CNTN5: variants seen among roughly 807,000 people sequenced by gnomAD.
CNTN5 encodes contactin 5.
A neutral mutation model predicts 129.1 loss-of-function variants in CNTN5; 77 were observed. The observed-to-expected ratio is 0.60, with a 90% CI of 0.50 to 0.72. The LOEUF (loss-of-function observed/expected upper bound fraction) is 0.72. CNTN5 is among the 30% of genes least tolerant of loss of function. The probability of loss-of-function intolerance (pLI) is 0.00; values close to 1 mark genes in which losing one functional copy is unlikely to be tolerated. For missense variants in CNTN5, 1,478 were observed against 1,328.8 expected (o/e 1.11, Z -1.75); for synonymous variants, 509 against 465.6 (o/e 1.09, Z -1.20).
intron 13 of CNTN5, among the ~76,000 whole-genome samples, chr11:100,182,280 G>A (rs1948159353): frequency 6.6e-6 from 1 of 152,022 alleles, no homozygotes. Flanking sequence ...TAGTTCTGGA[G>A]GCTGTGAAGT....
chr11:100,060,013 A>G (rs1943396913), intron 9 of CNTN5, among the ~76,000 whole-genome samples: 1 of 152,088 alleles, frequency 6.6e-6, no homozygotes, highest in Non-Finnish European at 1.5e-5. Context: ...GTTCGAAAAC[A>G]GCCTTGCCGA....
intron 1 of CNTN5, among the ~76,000 whole-genome samples, chr11:99,192,236 T>C (rs1452243361): frequency 6.6e-6 from 1 of 151,680 alleles, no homozygotes; most frequent in Non-Finnish European, 1.5e-5. Context: ...TGTAAGAGAC[T>C]ACTGTGAATA....
chr11:99,181,532 C>G (rs554982433), intron 1 of CNTN5, among the ~76,000 whole-genome samples: 2 of 152,152 alleles, frequency 1.3e-5, no homozygotes, highest in South Asian at 2.1e-4. Flanking sequence ...TAGCCAGTAC[C>G]GACTGCAGTT....
intron 1 of CNTN5, among the ~76,000 whole-genome samples, chr11:99,275,703 G>T (rs1051579320): frequency 5.3e-5 from 8 of 151,606 alleles, no homozygotes; most frequent in African/African-American, 1.9e-4. Context: ...GTATTCAACT[G>T]TGACCATATA....
chr11:99,021,428 A>C (rs1435235443), intron 1 of CNTN5, among the ~76,000 whole-genome samples, 158 bp downstream of exon 1: 3 of 152,198 alleles, frequency 2.0e-5, no homozygotes, highest in Non-Finnish European at 4.4e-5. Flanking sequence ...TTTTTTAAAT[A>C]AAGGAAACAA....
chr11:99,159,379 T>G (rs1860490652), intron 1 of CNTN5, among the ~76,000 whole-genome samples: 1 of 152,154 alleles, frequency 6.6e-6, no homozygotes. Flanking sequence ...TCCCAGCACT[T>G]TGGGAGGCTG....
intron 7 of CNTN5, among the ~76,000 whole-genome samples, chr11:99,940,440 A>C (rs1195920283): frequency 6.6e-6 from 1 of 152,162 alleles, no homozygotes; most frequent in Non-Finnish European, 1.5e-5. Context: ...TAGTATTTCA[A>C]AGTTATTAAC....
chr11:99,076,011 G>A (rs1865551380), intron 1 of CNTN5, among the ~76,000 whole-genome samples: 1 of 152,022 alleles, frequency 6.6e-6, no homozygotes, highest in Non-Finnish European at 1.5e-5. Context: ...TTCTTGATTT[G>A]AAGCAACTTA....
intron 6 of CNTN5, among the ~76,000 whole-genome samples, chr11:99,904,640 C>A (rs565222290): frequency 6.6e-6 from 1 of 152,106 alleles, no homozygotes; most frequent in Admixed American, 6.5e-5. Context: ...GATATATAAT[C>A]CTTTTGGTAT....
At chr11:99,682,836 C>A (rs1953617603) in intron 3 of CNTN5, among the ~76,000 whole-genome samples, 1 of 151,910 alleles carries the variant, frequency 6.6e-6, no homozygotes, top group Admixed American at 6.6e-5. Context: ...TTAGATGAGA[C>A]AAACGGTGTT....
At chr11:99,904,234 C>T (rs1399838202) in intron 6 of CNTN5, among the ~76,000 whole-genome samples, 1 of 152,102 alleles carries the variant, frequency 6.6e-6, no homozygotes, top group African/African-American at 2.4e-5. Flanking sequence ...CACCCATCAA[C>T]TCATCATCTA....
chr11:100,137,004 A>AAC (rs1390147668), intron 13 of CNTN5, among the ~76,000 whole-genome samples: 45 of 152,020 alleles, frequency 3.0e-4, no homozygotes, highest in African/African-American at 1.0e-3. Flanking sequence ...TACTTACTTA[A>AAC]ATATGTATGT....
At chr11:100,203,723 T>C (rs945988570) in intron 15 of CNTN5, among the ~76,000 whole-genome samples, 2 of 151,266 alleles carry the variant, frequency 1.3e-5, no homozygotes, top group African/African-American at 4.9e-5. Context: ...ATAATGACTA[T>C]CATTACCATG....
chr11:99,753,109 G>A (rs1944287314), intron 3 of CNTN5, among the ~76,000 whole-genome samples: 2 of 135,330 alleles, frequency 1.5e-5, no homozygotes, highest in African/African-American at 2.7e-5. Flanking sequence ...AACATTTTAA[G>A]CCATATTTGC....
intron 1 of CNTN5, among the ~76,000 whole-genome samples, chr11:99,095,646 T>G (rs1029761194): frequency 1.3e-5 from 2 of 151,790 alleles, no homozygotes; most frequent in South Asian, 4.1e-4. Flanking sequence ...AACTAAGAGA[T>G]GTAGGTGCCT....
intron 1 of CNTN5, among the ~76,000 whole-genome samples, chr11:99,285,595 A>AT: frequency 6.7e-6 from 1 of 149,642 alleles, no homozygotes; most frequent in Middle Eastern, 3.5e-3. Flanking sequence ...AAGTTAAAGA[A>AT]AAAAAAAAAA....
At chr11:99,627,472 C>T (rs1416990049) in intron 3 of CNTN5, among the ~76,000 whole-genome samples, 2 of 151,884 alleles carry the variant, frequency 1.3e-5, no homozygotes, top group African/African-American at 4.8e-5. Context: ...GAAAAAACTA[C>T]ACCGCATTAA....
intron 24 of CNTN5, 116 bp from the exon 25 acceptor site, chr11:100,356,001 C>A: frequency 1.5e-6 from 1 of 675,426 alleles, no homozygotes; most frequent in Non-Finnish European, 2.6e-6. Flanking sequence ...AAAGAACACT[C>A]TCATCAGAAA....
intron 3 of CNTN5, among the ~76,000 whole-genome samples, chr11:99,796,604 G>A (rs1169955000): frequency 4.6e-5 from 7 of 151,502 alleles, no homozygotes; most frequent in Admixed American, 3.3e-4. Context: ...ACTGTAAGCA[G>A]GCACAGCCAG....
Sources: allele counts gnomAD v4.1 joint callset (sites outside exome capture counted in the v4.1 genomes callset), GRCh38; gene constraint gnomAD v4.1.1; transcripts MANE v1.5; gene names NCBI Gene and HGNC (gene_info 2026-07-23, HGNC 2026-07-21).